Variants in NPRL3 observed in about 807,000 individuals in gnomAD.
The protein encoded by NPRL3 is GATOR1 complex protein NPRL3.
In NPRL3, 23 loss-of-function variants were observed where a neutral mutation model predicts 57.2. The observed-to-expected ratio is 0.40, with a 90% CI of 0.29 to 0.57. The LOEUF is 0.57. Ranked by LOEUF, NPRL3 falls within the 20% of genes least tolerant of loss-of-function variation. NPRL3 has a pLI of 0.42. For synonymous variants in NPRL3, 333 were observed against 321.1 expected (o/e 1.04, Z -0.39); for missense variants, 691 against 767.1 (o/e 0.90, Z 1.17).
At position 132,636 on chromosome 16, in the gene NPRL3, C is replaced by A. The variant is rs183325277; in HGVS notation, c.119-2045G>T. 1.3e-4 allele frequency among the ~76,000 whole-genome samples: 19 copies of A among 150,656 alleles called. No homozygotes were observed. In the East Asian group the frequency reaches 3.7e-3, roughly 29 times the overall value. On this transcript the variant is annotated intron_variant, in intron 2 of 13. Transcript: ENST00000611875. ...CCTGATCTGTCCAAGGAATCACTAT[C>A]TATGGCAGCTATAGCCTTACAAATT...
chr16:102,635 C>T (rs1020967488), intron 7 of NPRL3, among the ~76,000 whole-genome samples: 1 of 152,216 alleles, frequency 6.6e-6, no homozygotes, highest in East Asian at 1.9e-4. Context: ...TTCTGCTATT[C>T]TCAGCTCCCA....
At chr16:110,224 G>A (rs367792819) in intron 7 of NPRL3, among the ~76,000 whole-genome samples, 6 of 152,112 alleles carry the variant, frequency 3.9e-5, no homozygotes, top group South Asian at 2.1e-4. Flanking sequence ...AGCCGAGATC[G>A]TGCCGCTGCA....
chr16:88,958 A>G (rs1898633702), intron 12 of NPRL3, 68 bp from the exon 13 acceptor site: 1 of 1,414,796 alleles, frequency 7.1e-7, no homozygotes, highest in Admixed American at 2.0e-5. Context: ...GCGAGGGCAG[A>G]GCCAGCAGCC....
chr16:95,317 T>TTGTGTG (rs756045526), intron 9 of NPRL3, among the ~76,000 whole-genome samples: 5 of 107,008 alleles, frequency 4.7e-5, no homozygotes, highest in African/African-American at 1.1e-4. Flanking sequence ...AATAAAATGT[T>TTGTGTG]TGTGTGTGTA....
chr16:118,947 T>C (rs1900164213), intron 4 of NPRL3, among the ~76,000 whole-genome samples, 179 bp downstream of exon 4: 1 of 144,018 alleles, frequency 6.9e-6, no homozygotes, highest in Non-Finnish European at 1.5e-5. Context: ...AAGCCACATC[T>C]GCCCAGGGGA....
chr16:131,070 C>T (rs1014916497), intron 2 of NPRL3, among the ~76,000 whole-genome samples: 2 of 152,240 alleles, frequency 1.3e-5, no homozygotes, highest in Non-Finnish European at 2.9e-5. Flanking sequence ...CACGGTGGCC[C>T]GTGCCTGTAA....
intron 10 of NPRL3, 74 bp from the exon 11 acceptor site, chr16:92,799 A>T (rs146131343): frequency 2.5e-6 from 4 of 1,575,408 alleles, no homozygotes; most frequent in Non-Finnish European, 3.5e-6. Context: ...CTCAGTGGGC[A>T]GCAGAGAAGC....
At chr16:110,954 A>G (rs534221719) in intron 6 of NPRL3, among the ~76,000 whole-genome samples, 102 of 152,318 alleles carry the variant, frequency 6.7e-4, no homozygotes, top group Non-Finnish European at 1.1e-3. Context: ...TTCTAAAAAT[A>G]TATACATAGA....
rs916446936 is a variant in NPRL3 at position 138,094 on chromosome 16, A to G, written c.118+56T>C. ...CGCGAGGCGGCCCTGGAATGAGGCG[A>G]CCCCGGAATGAGGCGGCCCCCGCGA... On this transcript the variant is annotated intron_variant, in intron 2 of 13. Coordinates refer to ENST00000611875, the MANE Select transcript of NPRL3 (RefSeq NM_001077350.3). 61 of 1,386,082 alleles carry G rather than the reference A, an allele frequency of 4.4e-5. No homozygotes were observed. The African/African-American group carries it at 6.5e-4, about 15-fold the overall frequency. 85.9% of individuals were successfully genotyped at this position (1,386,082 alleles called of 1,614,324 possible). A position where few individuals can be genotyped will look rare whatever the true frequency, so the allele number is the denominator to read the frequency against.
intron 8 of NPRL3, 119 bp downstream of exon 8, chr16:100,253 C>CT: frequency 9.0e-7 from 1 of 1,112,218 alleles, no homozygotes; most frequent in Non-Finnish European, 1.2e-6. Flanking sequence ...CACCTGCAAG[C>CT]TTCCGCAGTG....
In NPRL3 at chr16:98,672, T is replaced by C. The variant is rs374763505; in HGVS notation, c.768-371A>G. On this transcript the variant is annotated intron_variant, in intron 8 of 13. Transcript: ENST00000611875. ...TTCACAAAATCTGCCAAGGACTGGC[T>C]CATGCCTATAATCCCGGCACTCTGG... 2.0e-5 allele frequency among the ~76,000 whole-genome samples: 3 copies of C among 152,356 alleles called. No individual in the cohort carries two copies. The East Asian group carries it at 5.8e-4, about 29-fold the overall frequency.
chr16:95,873 T>C (rs1898983425), intron 9 of NPRL3, among the ~76,000 whole-genome samples: 1 of 152,128 alleles, frequency 6.6e-6, no homozygotes, highest in Non-Finnish European at 1.5e-5. Flanking sequence ...CCCAGCCACA[T>C]GAGGGACTTT....
At chr16:101,963 G>T (rs1292159693) in intron 7 of NPRL3, among the ~76,000 whole-genome samples, 1 of 152,296 alleles carries the variant, frequency 6.6e-6, no homozygotes, top group Non-Finnish European at 1.5e-5. Context: ...TGAGGAGGGG[G>T]GCTTGTGGGT....
chr16:107,656 T>C (rs1191141455), intron 7 of NPRL3, among the ~76,000 whole-genome samples: 3 of 151,806 alleles, frequency 2.0e-5, no homozygotes, highest in Non-Finnish European at 2.9e-5. Flanking sequence ...GGTTTTTATT[T>C]AAACAAATTT....
intron 9 of NPRL3, among the ~76,000 whole-genome samples, chr16:95,458 T>C (rs1898968064): frequency 6.6e-6 from 1 of 151,830 alleles, no homozygotes; most frequent in Non-Finnish European, 1.5e-5. Context: ...CTGTGGGAAC[T>C]TTCTGTGTCT....
In NPRL3 at chr16:88,726, T is replaced by A. The variant is rs202015937; in HGVS notation, c.1516A>T (p.Asn506Tyr). ...GCAAACATGCGGAGGTCCTCAGGGT[T>A]CTGGGCTGCGGGTACACTGAGGATG... ...AAILSVPAAQ[N>Y]PEDLRMFARL... Residue 506 changes from asparagine (N) to tyrosine (Y), a missense_variant, in exon 13 of 14, where the codon AAC (asparagine) becomes TAC (tyrosine). By Grantham distance (143) the Asn-to-Tyr change is moderately radical. Transcript: ENST00000611875. The A allele has an allele frequency of 1.4e-3, 2,223 of 1,613,032 alleles. 1 individual carries two copies. Among genetic ancestry groups the A allele is most frequent in the Non-Finnish European group, 1.8e-3 (2,143 of 1,179,416 alleles).
At chr16:131,243 G>A (rs956669927) in intron 2 of NPRL3, among the ~76,000 whole-genome samples, 8 of 152,170 alleles carry the variant, frequency 5.3e-5, no homozygotes, top group Non-Finnish European at 1.2e-4. Context: ...ACTTTGGGAG[G>A]CCGAGGCGGG....
At position 89,957 on chromosome 16, in the gene NPRL3, G is replaced by A. The variant is rs559166204; in HGVS notation, c.1162-55C>T. ...CCCTCCCCACTCCAACTTCCTCCTGGGTGATCAGGGAGCCATGGCCCTAGA... is the reference window on the plus strand; with the variant it reads ...CCCTCCCCACTCCAACTTCCTCCTGAGTGATCAGGGAGCCATGGCCCTAGA... On this transcript the variant is annotated intron_variant, in intron 11 of 13. Coordinates refer to ENST00000611875, the MANE Select transcript of NPRL3 (RefSeq NM_001077350.3). 1.3e-5 allele frequency: 19 copies of A among 1,482,746 alleles called. No homozygotes were observed. The East Asian group carries it at 4.6e-4, about 36-fold the overall frequency. 91.8% of individuals were successfully genotyped at this position (1,482,746 alleles called of 1,614,324 possible).
intron 5 of NPRL3, among the ~76,000 whole-genome samples, chr16:113,064 A>G (rs191493440): frequency 1.4e-5 from 2 of 144,010 alleles, no homozygotes; most frequent in East Asian, 3.9e-4. Context: ...TGCCCTAAGG[A>G]GGCACTGTTG....
Sources: gnomAD v4.1 joint callset for allele counts (sites outside exome capture counted in the v4.1 genomes callset) on GRCh38, gnomAD v4.1.1 for gene constraint, MANE v1.5 for transcripts, NCBI Gene and HGNC (gene_info 2026-07-23, HGNC 2026-07-21) for gene names.